ATF7: variants seen among roughly 807,000 people sequenced by gnomAD.
ATF7 encodes activating transcription factor 7.
In ATF7, 10 loss-of-function variants were observed where a neutral mutation model predicts 50.4. The observed-to-expected ratio is 0.20, with a 90% CI of 0.12 to 0.34. ATF7 has a LOEUF of 0.34. Among genes scored for constraint, ATF7 ranks in the 10% least tolerant of loss-of-function variants. The probability of loss-of-function intolerance (pLI) is 1.00; values close to 1 mark genes in which losing one functional copy is unlikely to be tolerated. For synonymous variants in ATF7, 201 were observed against 226.4 expected (o/e 0.89, Z 1.01); for missense variants, 465 against 613.9 (o/e 0.76, Z 2.56).
intron 3 of ATF7, among the ~76,000 whole-genome samples, chr12:53,544,406 G>GA (rs1177452716): frequency 6.6e-6 from 1 of 152,162 alleles, no homozygotes; most frequent in Non-Finnish European, 1.5e-5. Flanking sequence ...CAGAAATACA[G>GA]AACAATGTTT....
At chr12:53,597,685 T>C (rs947071747) in intron 2 of ATF7, among the ~76,000 whole-genome samples, 5 of 151,756 alleles carry the variant, frequency 3.3e-5, no homozygotes, top group Admixed American at 6.6e-5. Context: ...GGCGGGTGCC[T>C]GTAGTCCCAG....
At chr12:53,508,667 CACT>C (rs1944070916), downstream of ATF7, among the ~76,000 whole-genome samples, 1 of 152,120 alleles carries the variant, frequency 6.6e-6, no homozygotes. Flanking sequence ...CACTAGAGAG[CACT>C]GCTTCCGACC....
chr12:53,534,781 G>T, intron 5 of ATF7, 122 bp from the exon 6 acceptor site: 1 of 1,124,450 alleles, frequency 8.9e-7, no homozygotes, highest in Non-Finnish European at 1.3e-6. Context: ...ATTAAATCAT[G>T]ACCTGATTCC....
chr12:53,620,589 A>AT, intron 1 of ATF7, among the ~76,000 whole-genome samples: 1 of 150,496 alleles, frequency 6.6e-6, no homozygotes, highest in African/African-American at 2.4e-5. Flanking sequence ...AAAAAAAAAA[A>AT]AAAAAAAAAT....
intron 5 of ATF7, among the ~76,000 whole-genome samples, chr12:53,537,121 G>T (rs933275764): frequency 6.6e-6 from 1 of 151,404 alleles, no homozygotes; most frequent in African/African-American, 2.4e-5. Context: ...CCAGGCTGGG[G>T]TGCAGTGGAG....
At chr12:53,517,654 CTT>C in intron 11 of ATF7, 1 of 386,782 alleles carries the variant, frequency 2.6e-6, no homozygotes, top group East Asian at 5.2e-5. Flanking sequence ...ATTACCAACT[CTT>C]ATTATTATTC....
chr12:53,534,764 G>A, intron 5 of ATF7, 105 bp from the exon 6 acceptor site: 1 of 1,288,410 alleles, frequency 7.8e-7, no homozygotes, highest in Non-Finnish European at 1.1e-6. Flanking sequence ...GAGCATTAGA[G>A]CCACTCATTA....
chr12:53,523,492 CT>C, intron 10 of ATF7, 108 bp from the exon 11 acceptor site: 2 of 786,732 alleles, frequency 2.5e-6, no homozygotes, highest in Non-Finnish European at 4.3e-6. Flanking sequence ...ATTTTCTCCC[CT>C]GAATTGGGAC....
chr12:53,597,637 GTC>G (rs1351520174), intron 2 of ATF7, among the ~76,000 whole-genome samples: 1 of 151,984 alleles, frequency 6.6e-6, no homozygotes, highest in East Asian at 1.9e-4. Flanking sequence ...GTGAAACCCT[GTC>G]TCTACTAAAA....
intron 11 of ATF7, among the ~76,000 whole-genome samples, chr12:53,521,827 T>C (rs1459162946): frequency 3.9e-5 from 6 of 152,192 alleles, no homozygotes; most frequent in Non-Finnish European, 7.3e-5. Flanking sequence ...AGACATTCCA[T>C]CAATATCTGC....
intron 10 of ATF7, 143 bp from the exon 11 acceptor site, chr12:53,523,527 TCA>T: frequency 1.5e-6 from 1 of 650,326 alleles, no homozygotes. Context: ...CAGCAAGGCT[TCA>T]CAGAGCCCAG....
chr12:53,574,907 T>C (rs1941969941), intron 2 of ATF7: 2 of 315,114 alleles, frequency 6.3e-6, no homozygotes, highest in African/African-American at 2.3e-5. Context: ...TGAGCAAGAC[T>C]TTAGTCAGAA....
At chr12:53,587,363 CA>C (rs1468906767) in intron 2 of ATF7, among the ~76,000 whole-genome samples, 1 of 40,224 alleles carries the variant, frequency 2.5e-5, no homozygotes, top group African/African-American at 7.7e-5. Flanking sequence ...CGAAATTCCG[CA>C]TCAAAAAAAA....
intron 2 of ATF7, among the ~76,000 whole-genome samples, chr12:53,599,455 G>A: frequency 7.0e-6 from 1 of 142,414 alleles, no homozygotes; most frequent in African/African-American, 2.5e-5. Flanking sequence ...TATATAAATG[G>A]AGATATATAT....
intron 1 of ATF7, among the ~76,000 whole-genome samples, chr12:53,606,898 A>G (rs1794141910): frequency 6.6e-6 from 1 of 151,890 alleles, no homozygotes; most frequent in South Asian, 2.1e-4. Context: ...TGAACTCATC[A>G]TTTTTATGGC....
intron 7 of ATF7, 144 bp from the exon 8 acceptor site, chr12:53,532,767 A>G: frequency 1.6e-6 from 1 of 614,506 alleles, no homozygotes; most frequent in Non-Finnish European, 2.8e-6. Flanking sequence ...GTGCAGGGAC[A>G]GCCTGGGAAA....
chr12:53,532,674 C>T (rs185706661), intron 7 of ATF7, 51 bp from the exon 8 acceptor site: 11 of 1,322,460 alleles, frequency 8.3e-6, no homozygotes, highest in South Asian at 3.9e-5. Flanking sequence ...ATAATACCAT[C>T]GGTGGGGCAA....
At chr12:53,510,703 T>C (rs1013963294), downstream of ATF7, among the ~76,000 whole-genome samples, 14 of 152,228 alleles carry the variant, frequency 9.2e-5, no homozygotes, top group African/African-American at 3.4e-4. Context: ...TAAACATCAA[T>C]TACAAGTGGC....
intron 11 of ATF7, chr12:53,522,781 G>T: frequency 6.6e-6 from 1 of 151,734 alleles, no homozygotes; most frequent in Non-Finnish European, 1.5e-5. Context: ...GCAGGAGAAT[G>T]GCGTGAACCT....
Sources: gnomAD v4.1 joint callset for allele counts (sites outside exome capture counted in the v4.1 genomes callset) on GRCh38, gnomAD v4.1.1 for gene constraint, MANE v1.5 for transcripts, NCBI Gene and HGNC (gene_info 2026-07-23, HGNC 2026-07-21) for gene names.